The following URM1 variants were observed in gnomAD, a reference collection of about 807,000 sequenced individuals.
The protein encoded by URM1 is ubiquitin related modifier 1, also known as ubiquitin-related modifier 1.
In URM1, 11 loss-of-function variants were observed where a neutral mutation model predicts 17.7. The ratio of observed to expected loss-of-function variants is 0.62; its 90% CI spans 0.39 to 1.03. URM1 has a LOEUF of 1.03. Ranked by LOEUF, URM1 falls within the 50% of genes least tolerant of loss-of-function variation. The probability of loss-of-function intolerance (pLI) is 0.00; values close to 1 mark genes in which losing one functional copy is unlikely to be tolerated. For missense variants in URM1, 128 were observed against 129.2 expected, an observed-to-expected ratio of 0.99 and a Z score of 0.04; for synonymous variants, 48 against 50.6, an observed-to-expected ratio of 0.95 and a Z score of 0.22.
intron 1 of URM1, among the ~76,000 whole-genome samples, chr9:128,373,282 T>G (rs919501235): frequency 6.6e-6 from 1 of 150,724 alleles, no homozygotes; most frequent in African/African-American, 2.4e-5. Context: ...CAACCCAGGT[T>G]CCTTCTCTCT....
chr9:128,388,016 A>C, intron 3 of URM1, 119 bp downstream of exon 3: 1 of 1,453,968 alleles, frequency 6.9e-7, no homozygotes. Flanking sequence ...CTCCTCCCTA[A>C]CTCTTCCAGC....
Position 128,390,090 on chromosome 9 carries a change from G to T in URM1, c.*356G>T, listed in dbSNP as rs1476738108. The T allele has an allele frequency of 6.9e-6, 2 of 288,266 alleles. No homozygotes were observed. The highest frequency in any genetic ancestry group is 1.3e-5 in the Non-Finnish European group (2 of 154,078). 17.9% of individuals were successfully genotyped at this position (288,266 alleles called of 1,614,324 possible). On this transcript the variant is annotated 3_prime_UTR_variant, in exon 5 of 5. Coordinates refer to ENST00000372853, the MANE Select transcript of URM1 (RefSeq NM_030914.4). ...TAAACATGGAGTGGCCGCTGACAAG[G>T]CGCTCCAGCCCCAGAGCCAGCGTCT...
intron 1 of URM1, among the ~76,000 whole-genome samples, chr9:128,374,255 A>G (rs1833049044): frequency 6.6e-6 from 1 of 152,154 alleles, no homozygotes. Context: ...CAGCAGTGAC[A>G]GGTCACTCTC....
intron 1 of URM1, among the ~76,000 whole-genome samples, chr9:128,374,847 C>T (rs920481624): frequency 5.3e-5 from 8 of 152,226 alleles, no homozygotes; most frequent in East Asian, 3.8e-4. Flanking sequence ...AGAGCCCTGG[C>T]GCTCATCTCA....
chr9:128,387,975 C>A lies in URM1; in HGVS notation c.188+78C>A. The A allele has an allele frequency of 6.4e-7, 1 of 1,570,842 alleles. No individual in the cohort carries two copies. The highest frequency in any genetic ancestry group is 8.7e-7 in the Non-Finnish European group (1 of 1,155,796). On this transcript the variant is annotated intron_variant, in intron 3 of 4. Transcript: ENST00000372853. This position sits in a 1 kb window ranked among gnomAD's most constrained non-coding sequence, Gnocchi z 4.3. The stretch of plus-strand genomic sequence containing the variant: ...TGAGCCCCCACCCTCGGGTTCAGTC[C>A]TGGCCTTCTCTGAATCCGGTTCTCC...
At chr9:128,374,442 C>T (rs1274061309) in intron 1 of URM1, among the ~76,000 whole-genome samples, 2 of 151,980 alleles carry the variant, frequency 1.3e-5, no homozygotes, top group East Asian at 1.9e-4. Flanking sequence ...CACCCTCCCC[C>T]ACCCCAGCTG....
At chr9:128,388,185 C>T (rs915102746) in intron 3 of URM1, 13 of 1,243,318 alleles carry the variant, frequency 1.0e-5, no homozygotes, top group Non-Finnish European at 1.3e-5. Flanking sequence ...TACTTCGCTT[C>T]TCTGGGCCTC....
chr9:128,389,813 C>G lies in URM1; in HGVS notation c.*79C>G, dbSNP rs774510032. ...ATCCCCTTGGGCCCTGCTTCCAGGT[C>G]TCCCTGTCCCCCTTGCCTGCCTTCT... On this transcript the variant is annotated 3_prime_UTR_variant, in exon 5 of 5. Transcript: ENST00000372853. 6.3e-7 allele frequency: 1 copy of G among 1,585,456 alleles called. No individual in the cohort carries two copies. The highest frequency in any genetic ancestry group is 1.3e-5 in the African/African-American group (1 of 74,314).
At position 128,389,260 on chromosome 9, in the gene URM1, G is replaced by A. The variant is rs1169950659; in HGVS notation, c.189-1G>A. On this transcript the variant is annotated splice_acceptor_variant, in intron 3 of 4. Coordinates refer to ENST00000372853, the MANE Select transcript of URM1 (RefSeq NM_030914.4). LOFTEE classifies it high-confidence loss of function. ...GCTACTCACCACCATCTTTCCCACA[G>A]GCGGCCAGGAATTCTGGTGCTGATT... 3 of 1,595,258 alleles carry A rather than the reference G, an allele frequency of 1.9e-6. No individual in the cohort carries two copies. In the South Asian group the frequency reaches 3.4e-5, roughly 18 times the overall value.
chr9:128,389,576 G>A, intron 4 of URM1, 90 bp from the exon 5 acceptor site: 1 of 1,586,086 alleles, frequency 6.3e-7, no homozygotes, highest in African/African-American at 1.3e-5. Context: ...TTCCAGAGCA[G>A]CCAGTCCTCA....
At chr9:128,377,642 C>T (rs1304598319) in intron 1 of URM1, among the ~76,000 whole-genome samples, 3 of 152,084 alleles carry the variant, frequency 2.0e-5, no homozygotes, top group Admixed American at 6.6e-5. Context: ...TGCACTGCAG[C>T]CTGGGCAACA....
chr9:128,389,558 T>A, intron 4 of URM1, 108 bp from the exon 5 acceptor site: 1 of 1,562,246 alleles, frequency 6.4e-7, no homozygotes, highest in Admixed American at 1.9e-5. Flanking sequence ...TCTGGTAGAG[T>A]CTGTCTCTTC....
intron 3 of URM1, chr9:128,388,490 C>T (rs759024472): frequency 4.0e-4 from 396 of 986,076 alleles, no homozygotes; most frequent in Non-Finnish European, 4.5e-4. Flanking sequence ...CAGTCCCCCA[C>T]GTGAAAGGTG....
At position 128,387,958 on chromosome 9, in the gene URM1, C is replaced by A. The variant is rs117287122; in HGVS notation, c.188+61C>A. ...AGGGAGGGACGGATATTTGAGCCCC[C>A]ACCCTCGGGTTCAGTCCTGGCCTTC... On this transcript the variant is annotated intron_variant, in intron 3 of 4. Coordinates refer to ENST00000372853, the MANE Select transcript of URM1 (RefSeq NM_030914.4). This position sits in a 1 kb window ranked among gnomAD's most constrained non-coding sequence, Gnocchi z 4.3. The A allele has an allele frequency of 7.4e-4, 1,190 of 1,608,394 alleles. No individual in the cohort carries two copies. The highest frequency in any genetic ancestry group is 1.1e-3 in the Admixed American group (67 of 59,692).
rs1833270422 is a variant in URM1, at chr9:128,389,245, A to G, written c.189-16A>G. On this transcript the variant is annotated splice_polypyrimidine_tract_variant and intron_variant, in intron 3 of 4. Transcript: ENST00000372853. ...TGCCTCTCACTCCTTGCTACTCACC[A>G]CCATCTTTCCCACAGGCGGCCAGGA... 6.3e-7 allele frequency: 1 copy of G among 1,587,036 alleles called. No homozygotes were observed.
In URM1 at chr9:128,391,790, G is replaced by T. The variant is rs1379476144; in HGVS notation, c.*2056G>T. 1 of 152,272 alleles carries T rather than the reference G, an allele frequency of 6.6e-6. No homozygotes were observed. Among genetic ancestry groups the T allele is most frequent in the Non-Finnish European group, 1.5e-5 (1 of 68,078 alleles). 9.4% of individuals were successfully genotyped at this position (152,272 alleles called of 1,614,324 possible). The stretch of plus-strand genomic sequence containing the variant: ...AGAGTAGGGCAGGAGGAGGTGCTGG[G>T]AAAACCGGGTTTCTTGGCACATGGG... On this transcript the variant is annotated 3_prime_UTR_variant, in exon 5 of 5. Coordinates refer to ENST00000372853, the MANE Select transcript of URM1 (RefSeq NM_030914.4).
At position 128,387,997 on chromosome 9, in the gene URM1, C is replaced by T; in HGVS notation, c.188+100C>T. 1 of 1,511,034 alleles carries T rather than the reference C, an allele frequency of 6.6e-7. No homozygotes were observed. The highest frequency in any genetic ancestry group is 8.9e-7 in the Non-Finnish European group (1 of 1,126,436). 93.6% of individuals were successfully genotyped at this position (1,511,034 alleles called of 1,614,324 possible). ...GTCCTGGCCTTCTCTGAATCCGGTT[C>T]TCCCCTTCCTCCTCCCTAACTCTTC... On this transcript the variant is annotated intron_variant, in intron 3 of 4. Coordinates refer to ENST00000372853, the MANE Select transcript of URM1 (RefSeq NM_030914.4). This position sits in a 1 kb window ranked among gnomAD's most constrained non-coding sequence, Gnocchi z 4.3.
intron 3 of URM1, 199 bp from the exon 4 acceptor site, chr9:128,389,062 G>A: frequency 7.4e-7 from 1 of 1,358,344 alleles, no homozygotes; most frequent in South Asian, 2.0e-5. Flanking sequence ...TTTCCATCTG[G>A]CTACAAAGAC....
chr9:128,374,188 C>T (rs1454028490), intron 1 of URM1, among the ~76,000 whole-genome samples: 3 of 152,212 alleles, frequency 2.0e-5, no homozygotes, highest in Admixed American at 6.5e-5. Context: ...CACCTTCCCC[C>T]ACTCCAGATG....
Sources: allele counts gnomAD v4.1 joint callset (sites outside exome capture counted in the v4.1 genomes callset), GRCh38; gene constraint gnomAD v4.1.1; non-coding constraint Gnocchi (gnomAD v3.1); transcripts MANE v1.5; gene names NCBI Gene and HGNC (gene_info 2026-07-23, HGNC 2026-07-21).